NUP98: variants seen among roughly 807,000 people sequenced by gnomAD.
NUP98 encodes nuclear pore complex protein Nup98-Nup96.
In NUP98, 26 loss-of-function variants were observed where a neutral mutation model predicts 191.9. That is an observed-to-expected ratio of 0.14 (90% CI 0.10 to 0.19). NUP98 has a LOEUF of 0.19. Among genes scored for constraint, NUP98 ranks in the 10% least tolerant of loss-of-function variants. NUP98 has a pLI of 1.00. For synonymous variants in NUP98, 808 were observed against 778.4 expected (o/e 1.04, Z -0.63); for missense variants, 1,941 against 2,178.8 (o/e 0.89, Z 2.17).
intron 11 of NUP98, among the ~76,000 whole-genome samples, chr11:3,746,294 A>AAAAAAAAAAAAAAAAAAAAAG (rs144936005): frequency 1.1e-5 from 1 of 93,104 alleles, no homozygotes; most frequent in African/African-American, 5.0e-5. Context: ...AAAAAAAAAA[A>AAAAAAAAAAAAAAAAAAAAAG]GACAGCTTTG....
chr11:3,689,940 ATTTTTTTTTTTT>A (rs989043726), intron 28 of NUP98, among the ~76,000 whole-genome samples: 6 of 73,574 alleles, frequency 8.2e-5, no homozygotes, highest in East Asian at 8.0e-4. Context: ...GCTGGCCTGC[ATTTTTTTTTTTT>A]TTTTTTTTTT....
intron 23 of NUP98, 80 bp from the exon 24 acceptor site, chr11:3,700,919 T>A: frequency 1.1e-6 from 1 of 925,332 alleles, no homozygotes; most frequent in Non-Finnish European, 1.6e-6. Context: ...AAACCACTGT[T>A]TCTTTTTATG....
At chr11:3,793,671 C>G (rs2082430188) in intron 1 of NUP98, among the ~76,000 whole-genome samples, 1 of 151,918 alleles carries the variant, frequency 6.6e-6, no homozygotes, top group Non-Finnish European at 1.5e-5. Flanking sequence ...AGTACAAATT[C>G]CTCAATGTGG....
intron 16 of NUP98, 49 bp downstream of exon 16, chr11:3,723,108 A>T (rs748715414): frequency 6.4e-7 from 1 of 1,555,608 alleles, no homozygotes; most frequent in East Asian, 2.2e-5. Flanking sequence ...CAAGCAAGTC[A>T]TCTCGAATGA....
Position 3,776,197 on chromosome 11 carries a change from C to T in NUP98, c.356-176G>A, listed in dbSNP as rs957007933. On this transcript the variant is annotated intron_variant, in intron 4 of 32. Transcript: ENST00000324932. ...AGTGCAGTGGTGCAATCACAGCTCACTGCAGCCTTGACCTCACAGGCTCAA... is the reference window on the plus strand; with the variant it reads ...AGTGCAGTGGTGCAATCACAGCTCATTGCAGCCTTGACCTCACAGGCTCAA... 2.0e-5 allele frequency among the ~76,000 whole-genome samples: 3 copies of T among 150,852 alleles called. No homozygotes were observed. The South Asian group carries it at 6.3e-4, about 32-fold the overall frequency.
chr11:3,785,179 A>G lies in NUP98; in HGVS notation c.-28-3034T>C, dbSNP rs527543495. 2.1e-4 allele frequency among the ~76,000 whole-genome samples: 32 copies of G among 152,090 alleles called. No homozygotes were observed. In the South Asian group the frequency reaches 2.3e-3, roughly 11 times the overall value. ...TAAAAAAAAAAAATACAGTTATGGC[A>G]AAAACAAACAAAAAAAAACAACCAA... On this transcript the variant is annotated intron_variant, in intron 1 of 32. Transcript: ENST00000324932.
At chr11:3,738,945 G>A (rs1348385620) in intron 12 of NUP98, among the ~76,000 whole-genome samples, 2 of 152,028 alleles carry the variant, frequency 1.3e-5, no homozygotes, top group Non-Finnish European at 2.9e-5. Flanking sequence ...CTGCCTGTAA[G>A]GAAGCCACCA....
intron 28 of NUP98, among the ~76,000 whole-genome samples, chr11:3,688,082 C>A (rs996350172): frequency 6.6e-6 from 1 of 150,794 alleles, no homozygotes; most frequent in Non-Finnish European, 1.5e-5. Flanking sequence ...GGACTTAATG[C>A]CACTGAACAG....
intron 18 of NUP98, among the ~76,000 whole-genome samples, chr11:3,714,571 G>A (rs764514133): frequency 6.6e-6 from 1 of 152,040 alleles, no homozygotes; most frequent in Non-Finnish European, 1.5e-5. Flanking sequence ...TCCATTTCCT[G>A]CTTCCCGGAG....
At chr11:3,687,323 C>G (rs1004046276) in intron 28 of NUP98, among the ~76,000 whole-genome samples, 1 of 152,162 alleles carries the variant, frequency 6.6e-6, no homozygotes, top group African/African-American at 2.4e-5. Flanking sequence ...TATTTTCTCC[C>G]AATCTATGGT....
At chr11:3,710,183 G>T (rs1333037010) in intron 20 of NUP98, among the ~76,000 whole-genome samples, 1 of 152,030 alleles carries the variant, frequency 6.6e-6, no homozygotes, top group East Asian at 1.9e-4. Flanking sequence ...AAGCTTACCA[G>T]GGCATTGATG....
chr11:3,688,826 T>A (rs868812546), intron 28 of NUP98, among the ~76,000 whole-genome samples: 1 of 138,318 alleles, frequency 7.2e-6, no homozygotes, highest in Non-Finnish European at 1.5e-5. Context: ...TATACATATA[T>A]ATATATATAT....
chr11:3,717,257 C>T (rs958785721), intron 18 of NUP98, among the ~76,000 whole-genome samples: 29 of 152,066 alleles, frequency 1.9e-4, no homozygotes, highest in East Asian at 1.9e-4. Context: ...CTAGGCCTCC[C>T]GAAGTGCTGG....
At chr11:3,699,408 G>A (rs1305290048) in intron 24 of NUP98, 60 bp from the exon 25 acceptor site, 7 of 1,563,076 alleles carry the variant, frequency 4.5e-6, no homozygotes, top group Admixed American at 3.4e-5. Context: ...CTTCACAGAG[G>A]GCATCCTTCT....
intron 24 of NUP98, among the ~76,000 whole-genome samples, chr11:3,700,294 A>AGC (rs1052898579): frequency 1.3e-5 from 2 of 151,718 alleles, no homozygotes; most frequent in Non-Finnish European, 2.9e-5. Flanking sequence ...AAAAAAGTAA[A>AGC]GCAAGAAGGA....
intron 25 of NUP98, 40 bp downstream of exon 25, chr11:3,699,042 G>A: frequency 1.2e-6 from 2 of 1,603,012 alleles, no homozygotes; most frequent in South Asian, 2.2e-5. Flanking sequence ...TGAGTAGGAA[G>A]GCGACAGAGG....
rs750043946 is a variant in NUP98 at position 3,683,470 on chromosome 11, C to T, written c.4677-29G>A. 4 of 1,611,320 alleles carry T rather than the reference C, an allele frequency of 2.5e-6. No individual in the cohort carries two copies. In the African/African-American group the frequency reaches 5.3e-5, roughly 22 times the overall value. ...CAGGGAGAGATAAGCTAGAATAAAT[C>T]CCATCCTCATTCATGGAGAAGGCTG... is the stretch of plus-strand genomic sequence containing the variant. On this transcript the variant is annotated intron_variant, in intron 29 of 32. Transcript: ENST00000324932.
At chr11:3,697,820 T>TTAA (rs772125736) in intron 25 of NUP98, among the ~76,000 whole-genome samples, 2 of 97,156 alleles carry the variant, frequency 2.1e-5, no homozygotes, top group Non-Finnish European at 3.9e-5. Flanking sequence ...GACTCTGTCT[T>TTAA]AAAAAAAAAA....
At chr11:3,698,005 T>C (rs1016209576) in intron 25 of NUP98, among the ~76,000 whole-genome samples, 2 of 152,176 alleles carry the variant, frequency 1.3e-5, no homozygotes, top group Non-Finnish European at 2.9e-5. Context: ...TGAATTGATA[T>C]AGAACATATT....
Sources: gnomAD v4.1 joint callset for allele counts (sites outside exome capture counted in the v4.1 genomes callset) on GRCh38, gnomAD v4.1.1 for gene constraint, MANE v1.5 for transcripts, NCBI Gene and HGNC (gene_info 2026-07-23, HGNC 2026-07-21) for gene names.